The following RTL4 variants were observed in gnomAD, a reference collection of about 807,000 sequenced individuals.
RTL4 encodes the protein retrotransposon Gag like 4, also known as retrotransposon Gag-like protein 4.
Under a neutral mutation model 5.3 loss-of-function variants are expected in RTL4, and 4 were observed. The observed-to-expected ratio is 0.75, with a 90% CI of 0.37 to 1.72. The LOEUF is 1.72. RTL4 is among the 40% of genes most tolerant of loss of function. The probability of loss-of-function intolerance (pLI) is 0.04; values close to 1 mark genes in which losing one functional copy is unlikely to be tolerated. For synonymous variants in RTL4, 98 were observed against 87.3 expected (o/e 1.12, Z -0.68); for missense variants, 260 against 227.1 (o/e 1.14, Z -0.93).
At chrX:112,166,523 A>G in the RTL4 span, among the ~76,000 whole-genome samples, 2 of 111,994 alleles carry the variant, frequency 1.8e-5, no homozygotes, top group African/African-American at 6.5e-5. Context: ...ACTGCAAGCT[A>G]GAGGAAGTGA....
At chrX:112,374,059 T>C in the RTL4 span, among the ~76,000 whole-genome samples, 3 of 111,225 alleles carry the variant, frequency 2.7e-5, no homozygotes, top group East Asian at 8.4e-4. Context: ...TTATTGCTAA[T>C]GTTTTTGAGT....
chrX:112,217,282 T>G, the RTL4 span, among the ~76,000 whole-genome samples: 72 of 111,714 alleles, frequency 6.4e-4, no homozygotes, highest in East Asian at 0.013. Flanking sequence ...GCTTTGAGAA[T>G]GCCCCAAATC....
At chrX:112,089,867 A>T in the RTL4 span, among the ~76,000 whole-genome samples, 1 of 111,382 alleles carries the variant, frequency 9.0e-6, no homozygotes, top group African/African-American at 3.3e-5. Flanking sequence ...TTGTATTCTA[A>T]TCCATGACAC....
the RTL4 span, among the ~76,000 whole-genome samples, chrX:112,175,939 G>T: frequency 2.7e-5 from 3 of 110,716 alleles, no homozygotes; most frequent in East Asian, 8.6e-4. Context: ...AAGTCAAATT[G>T]TCCCTGTTTG....
chrX:112,311,390 C>T, the RTL4 span, among the ~76,000 whole-genome samples: 2 of 110,950 alleles, frequency 1.8e-5, no homozygotes, highest in African/African-American at 3.3e-5. Flanking sequence ...TGCCCTCAGA[C>T]GGGTTCTAGA....
the RTL4 span, among the ~76,000 whole-genome samples, chrX:112,236,090 G>A: frequency 9.1e-6 from 1 of 110,312 alleles, no homozygotes. Context: ...TGCAAAGTTG[G>A]CCCAAGTGCC....
At chrX:112,430,861 G>A in the RTL4 span, among the ~76,000 whole-genome samples, 5 of 112,290 alleles carry the variant, frequency 4.5e-5, no homozygotes, top group African/African-American at 6.5e-5. Context: ...CCATAGTGTT[G>A]GGATTACAGG....
the RTL4 span, among the ~76,000 whole-genome samples, chrX:112,248,704 G>A: frequency 1.8e-5 from 2 of 111,956 alleles, no homozygotes; most frequent in Non-Finnish European, 3.8e-5. Flanking sequence ...CTCTTCGGTA[G>A]GATAATAACT....
chrX:112,376,404 A>G, the RTL4 span, among the ~76,000 whole-genome samples: 1 of 111,706 alleles, frequency 9.0e-6, no homozygotes, highest in Admixed American at 9.5e-5. Flanking sequence ...GGCCAAGTTC[A>G]ACTTATGATG....
the RTL4 span, among the ~76,000 whole-genome samples, chrX:112,360,836 A>G: frequency 1.8e-5 from 2 of 111,269 alleles, no homozygotes; most frequent in African/African-American, 6.5e-5. Flanking sequence ...GATAGTCACA[A>G]TGAGTCATTT....
chrX:112,308,080 CTTGAG>C, the RTL4 span, among the ~76,000 whole-genome samples: 6 of 111,439 alleles, frequency 5.4e-5, no homozygotes, highest in African/African-American at 2.0e-4. Flanking sequence ...GTTAAGAGTG[CTTGAG>C]TTATGTGGGG....
At chrX:112,429,733 G>A in the RTL4 span, among the ~76,000 whole-genome samples, 2 of 111,080 alleles carry the variant, frequency 1.8e-5, no homozygotes, top group East Asian at 5.6e-4. Flanking sequence ...CATGTCTACT[G>A]GCAACAAATT....
At chrX:112,266,959 C>A in the RTL4 span, among the ~76,000 whole-genome samples, 1 of 111,423 alleles carries the variant, frequency 9.0e-6, no homozygotes, top group African/African-American at 3.3e-5. Context: ...TAAGGCCAAA[C>A]CCTCCATTTG....
the RTL4 span, among the ~76,000 whole-genome samples, chrX:112,118,946 G>T: frequency 3.6e-5 from 4 of 109,810 alleles, no homozygotes; most frequent in Admixed American, 3.9e-4. Context: ...GTGCAGTTGT[G>T]CAATCTCAGC....
At chrX:112,162,178 G>A in the RTL4 span, among the ~76,000 whole-genome samples, 7 of 110,573 alleles carry the variant, frequency 6.3e-5, no homozygotes, top group Non-Finnish European at 1.1e-4. Context: ...CTAGTTTAAT[G>A]ACAATAACAA....
chrX:112,186,166 A>G, the RTL4 span, among the ~76,000 whole-genome samples: 26 of 111,782 alleles, frequency 2.3e-4, no homozygotes, highest in South Asian at 8.3e-3. Flanking sequence ...TGCCACCACA[A>G]TGACCTTCAG....
the RTL4 span, among the ~76,000 whole-genome samples, chrX:112,243,856 C>T: frequency 8.9e-6 from 1 of 111,882 alleles, no homozygotes; most frequent in Non-Finnish European, 1.9e-5. Flanking sequence ...TCCCTCTACA[C>T]ACTGCTTTAA....
chrX:112,305,619 C>T, the RTL4 span, among the ~76,000 whole-genome samples: 1 of 111,504 alleles, frequency 9.0e-6, no homozygotes, highest in Non-Finnish European at 1.9e-5. Flanking sequence ...CCGTCTCGGC[C>T]TCTCAAAGTT....
At chrX:112,224,141 G>A in the RTL4 span, among the ~76,000 whole-genome samples, 2 of 110,994 alleles carry the variant, frequency 1.8e-5, no homozygotes, top group African/African-American at 6.6e-5. Flanking sequence ...GACTGAGACT[G>A]CTGGGCGGTC....
Sources: allele counts gnomAD v4.1 joint callset (sites outside exome capture counted in the v4.1 genomes callset), GRCh38; gene constraint gnomAD v4.1.1; transcripts MANE v1.5; gene names NCBI Gene and HGNC (gene_info 2026-07-23, HGNC 2026-07-21).